DNHD1: variants seen among roughly 807,000 people sequenced by gnomAD.
DNHD1 encodes dynein heavy chain domain-containing protein 1.
Under a neutral mutation model 458.1 loss-of-function variants are expected in DNHD1, and 383 were observed. The observed-to-expected ratio is 0.84, with a 90% CI of 0.77 to 0.91. The LOEUF (loss-of-function observed/expected upper bound fraction) is 0.91, where lower values mean the gene tolerates loss of function less well. DNHD1 is among the 40% of genes least tolerant of loss of function. The pLI is 0.00. For synonymous variants in DNHD1, 2,203 were observed against 2,376.9 expected (o/e 0.93, Z 2.13); for missense variants, 5,336 against 5,866.1 (o/e 0.91, Z 2.95).
In DNHD1 at chr11:6,547,060, T is replaced by C. The variant is rs11825154; in HGVS notation, c.6121T>C (p.Phe2041Leu). Residue 2041 changes from phenylalanine to leucine, a missense_variant, in exon 21 of 43, where the codon TTC becomes CTC. Phe to Leu is a conservative substitution (Grantham distance 22). Around this residue, in one of 4 missense-constraint regions of DNHD1, gnomAD observed 3,932 missense variants for 4,365.6 expected, o/e 0.90. Transcript: ENST00000254579. ...LYPSGLSPQE[F>L]LGWLEGSCWH... ...CCCCAGTGGCCTCAGCCCCCAGGAG[T>C]TCCTGGGATGGCTAGAGGGCTCCTG... The C allele has an allele frequency of 0.023, 35,706 of 1,551,420 alleles. 1,050 individuals carry two copies. The highest frequency in any genetic ancestry group is 0.14 in the African/African-American group (10,269 of 73,078).
At position 6,563,706 on chromosome 11, in the gene DNHD1, T is replaced by C. The variant is rs1853630385; in HGVS notation, c.9866T>C (p.Phe3289Ser). 3 of 1,545,496 alleles carry C rather than the reference T, an allele frequency of 1.9e-6. No individual in the cohort carries two copies. The highest frequency in any genetic ancestry group is 1.4e-5 in the African/African-American group (1 of 72,916). ...TEDFYQELVF[F>S]PKEKITDSEL... ...ACATCCTTCCAGGAGCTGGTGTTCT[T>C]CCCCAAGGAGAAGATAACAGACTCA... The change falls in exon 31 of 43, where the codon TTC (phenylalanine) becomes TCC (serine). Residue 3289 changes from phenylalanine to serine, a missense_variant. By Grantham distance (155) the Phe-to-Ser change is radical (BLOSUM62 -2). Transcript: ENST00000254579.
intron 35 of DNHD1, 56 bp downstream of exon 35, chr11:6,566,821 G>T: frequency 1.9e-6 from 3 of 1,599,274 alleles, no homozygotes; most frequent in East Asian, 4.5e-5. Flanking sequence ...CCTGGGTAAG[G>T]GGGTGGAGAT....
chr11:6,557,789 G>C lies in DNHD1; in HGVS notation c.8494G>C (p.Glu2832Gln). ...GGAGCTGATACTGGGGCCTAACTCT[G>C]AGACCCCCAACTTGTACCTGGAACG... ...SQELILGPNSETPNLYLERQW... is the reference protein window; with the variant it reads ...SQELILGPNSQTPNLYLERQW... The change falls in exon 25 of 43, where the codon GAG (glutamate) becomes CAG (glutamine). Residue 2832 changes from glutamate to glutamine, a missense_variant. Coordinates refer to ENST00000254579, the MANE Select transcript of DNHD1 (RefSeq NM_144666.3). 1 of 1,551,520 alleles carries C rather than the reference G, an allele frequency of 6.4e-7. No individual in the cohort carries two copies. The highest frequency in any genetic ancestry group is 8.7e-7 in the Non-Finnish European group (1 of 1,146,982).
rs764819568 is a variant in DNHD1 at position 6,566,908 on chromosome 11, CGAT to C, written c.11401_11403del (p.Met3801del). 1 of 1,612,406 alleles carries C rather than the reference CGAT, an allele frequency of 6.2e-7. No homozygotes were observed. The highest frequency in any genetic ancestry group is 8.5e-7 in the Non-Finnish European group (1 of 1,179,098). On this transcript the variant is annotated inframe_deletion, in exon 36 of 43. Coordinates refer to ENST00000254579, the MANE Select transcript of DNHD1 (RefSeq NM_144666.3). ...GAGTGTATGCAGGAGCGGCTGCTGACGATGCTGCTGTTCCAGAATCCGAAGCGT... is the reference window on the plus strand; with the variant it reads ...GAGTGTATGCAGGAGCGGCTGCTGACGCTGCTGTTCCAGAATCCGAAGCGT...
At position 6,517,867 on chromosome 11, in the gene DNHD1, G is replaced by A. The variant is rs2134391066; in HGVS notation, c.1393-1733G>A. Among the ~76,000 whole-genome samples the A allele has an allele frequency of 2.0e-5, 3 of 151,796 alleles. No individual in the cohort carries two copies. The Middle Eastern group carries it at 0.01, about 523-fold the overall frequency. On this transcript the variant is annotated intron_variant, in intron 7 of 42. Transcript: ENST00000254579. ...AACAATATGTCTCACAAATTTCTTT[G>A]CCCATCAAATCTTTTGTAGAATACT...
chr11:6,552,316 G>T (rs1589889300), intron 24 of DNHD1, among the ~76,000 whole-genome samples: 1 of 152,064 alleles, frequency 6.6e-6, no homozygotes, highest in Non-Finnish European at 1.5e-5. Flanking sequence ...TTGAGGTCAG[G>T]AGTTTGAGAC....
rs1853510829 is a variant in DNHD1, at chr11:6,558,211, A to C, written c.8916A>C (p.Glu2972Asp). The change falls in exon 25 of 43, where the codon GAA (glutamate) becomes GAC (aspartate). Residue 2972 changes from glutamate to aspartate, a missense_variant. Glu to Asp is a conservative substitution (Grantham distance 45). Around this residue, in one of 4 missense-constraint regions of DNHD1, gnomAD observed 3,932 missense variants for 4,365.6 expected, o/e 0.90. Coordinates refer to ENST00000254579, the MANE Select transcript of DNHD1 (RefSeq NM_144666.3). ...GCAGTTTCCCTGGCCAGTACACAGA[A>C]GCAGATTTGGACCGCATTGGAGAAC... is the stretch of plus-strand genomic sequence containing the variant. Reference protein sequence around the residue: ...TSGSFPGQYTEADLDRIGEHL... With the variant: ...TSGSFPGQYTDADLDRIGEHL... 3 of 1,551,726 alleles carry C rather than the reference A, an allele frequency of 1.9e-6. No homozygotes were observed. Among genetic ancestry groups the C allele is most frequent in the Non-Finnish European group, 8.7e-7 (1 of 1,146,998 alleles).
chr11:6,515,947 G>A (rs541455139), intron 7 of DNHD1, among the ~76,000 whole-genome samples: 1 of 151,856 alleles, frequency 6.6e-6, no homozygotes, highest in African/African-American at 2.4e-5. Flanking sequence ...CACCGTACCT[G>A]GCTAATGTTT....
chr11:6,558,020 C>A lies in DNHD1; in HGVS notation c.8725C>A (p.Gln2909Lys). The change falls in exon 25 of 43, where the codon CAG becomes AAG. Residue 2909 changes from glutamine (Q) to lysine (K), a missense_variant. By Grantham distance (53) the Gln-to-Lys change is moderately conservative (BLOSUM62 1). This residue lies in a region of DNHD1 where 3,932 missense variants were observed against 4,365.6 expected (regional missense o/e 0.90). Coordinates refer to ENST00000254579, the MANE Select transcript of DNHD1 (RefSeq NM_144666.3). ...CATCACTCTGGCTTCTAGCATTTGT[C>A]AGGCCCATTTCTTTCATCTACCATC... ...TAITLASSIC[Q>K]AHFFHLPSGS... 1 of 1,551,748 alleles carries A rather than the reference C, an allele frequency of 6.4e-7. No homozygotes were observed.
intron 4 of DNHD1, 102 bp downstream of exon 4, chr11:6,503,028 C>A: frequency 1.5e-6 from 2 of 1,305,168 alleles, no homozygotes; most frequent in Non-Finnish European, 1.0e-6. Flanking sequence ...TCTCCCTGTC[C>A]TTTCTCCACA....
Position 6,558,645 on chromosome 11 carries a change from G to A in DNHD1, c.9163G>A (p.Val3055Met). 1 of 1,551,394 alleles carries A rather than the reference G, an allele frequency of 6.4e-7. No homozygotes were observed. The highest frequency in any genetic ancestry group is 2.4e-5 in the East Asian group (1 of 40,936). Reference sequence around the variant, plus strand: ...CTGGGACCAAGCTGCCCTGGCCAAGGTGGCCCAGCATCACCTGGAGGGTGC... The same window carrying A: ...CTGGGACCAAGCTGCCCTGGCCAAGATGGCCCAGCATCACCTGGAGGGTGC... The part of the protein sequence containing the change: ...EPWDQAALAK[V>M]AQHHLEGAQS... The change falls in exon 26 of 43, where the codon GTG (valine) becomes ATG (methionine). Residue 3055 changes from valine (V) to methionine (M), a missense_variant. Coordinates refer to ENST00000254579, the MANE Select transcript of DNHD1 (RefSeq NM_144666.3).
At chr11:6,501,178 TGAG>T (rs146443462) in intron 3 of DNHD1, among the ~76,000 whole-genome samples, 2 of 152,154 alleles carry the variant, frequency 1.3e-5, no homozygotes, top group African/African-American at 2.4e-5. Context: ...TGTGGTGCAT[TGAG>T]GAGTGAATGG....
intron 24 of DNHD1, among the ~76,000 whole-genome samples, chr11:6,552,327 C>T (rs1413593535): frequency 2.0e-5 from 3 of 151,934 alleles, no homozygotes; most frequent in Non-Finnish European, 2.9e-5. Flanking sequence ...AGTTTGAGAC[C>T]AGCCTGGCCA....
In DNHD1 at chr11:6,564,804, G is replaced by A; in HGVS notation, c.10756G>A (p.Gly3586Arg). Residue 3586 changes from glycine (G) to arginine (R), a missense_variant and splice_region_variant, in exon 32 of 43, where the codon GGG becomes AGG. Around this residue, in one of 4 missense-constraint regions of DNHD1, gnomAD observed 695 missense variants for 804.2 expected, o/e 0.86. Coordinates refer to ENST00000254579, the MANE Select transcript of DNHD1 (RefSeq NM_144666.3). ...SFAPALTEGR[G>R]KGLMRNQKRE... is the part of the protein sequence containing the mutation. ...TGCGCCAGCCCTCACTGAGGGTAGA[G>A]GTAAGCAGGCATAATAAATGCAATG... 2.0e-6 allele frequency: 3 copies of A among 1,510,248 alleles called. No individual in the cohort carries two copies. The highest frequency in any genetic ancestry group is 2.7e-6 in the Non-Finnish European group (3 of 1,122,368). 93.6% of individuals were successfully genotyped at this position (1,510,248 alleles called of 1,614,324 possible).
chr11:6,507,339 A>G (rs189730418), intron 4 of DNHD1, among the ~76,000 whole-genome samples: 91 of 152,362 alleles, frequency 6.0e-4, no homozygotes, highest in Admixed American at 5.3e-3. Context: ...AAGGATATTC[A>G]GCAAAATGCA....
At chr11:6,551,769 C>A (rs575858498) in intron 24 of DNHD1, among the ~76,000 whole-genome samples, 1 of 152,038 alleles carries the variant, frequency 6.6e-6, no homozygotes. Flanking sequence ...GGTGAAACCC[C>A]GTCTCTACTA....
chr11:6,563,628 A>G, intron 30 of DNHD1, 64 bp downstream of exon 30: 1 of 1,546,164 alleles, frequency 6.5e-7, no homozygotes, highest in Non-Finnish European at 8.7e-7. Flanking sequence ...TGGCAAGGCT[A>G]AACTGTTGGG....
Position 6,512,313 on chromosome 11 carries a change from C to T in DNHD1, c.1392+884C>T, listed in dbSNP as rs567939340. Among the ~76,000 whole-genome samples the T allele has an allele frequency of 6.7e-4, 97 of 144,236 alleles. No homozygotes were observed. The South Asian group carries it at 0.013, about 20-fold the overall frequency. 94.6% of individuals were successfully genotyped at this position (144,236 alleles called of 152,430 possible). On this transcript the variant is annotated intron_variant, in intron 7 of 42. Transcript: ENST00000254579. ...TCGGCTCACTGCAAGCTCTGCCTTC[C>T]GGGTTCACGCCATTCTCCTGCCTCA...
In DNHD1 at chr11:6,537,707, C is replaced by T. The variant is rs139368127; in HGVS notation, c.2999-676C>T. 2.0e-3 allele frequency among the ~76,000 whole-genome samples: 301 copies of T among 152,154 alleles called. 1 individual carries two copies. Among genetic ancestry groups the T allele is most frequent in the African/African-American group, 6.9e-3 (285 of 41,526 alleles). On this transcript the variant is annotated intron_variant, in intron 14 of 42. Coordinates refer to ENST00000254579, the MANE Select transcript of DNHD1 (RefSeq NM_144666.3). ...CAGCACTTTGGGAGGCCGAGGCGGG[C>T]GGATCACGAGGTCAGGAGTTCGAGA...
Sources: gnomAD v4.1 joint callset for allele counts (sites outside exome capture counted in the v4.1 genomes callset) on GRCh38, gnomAD v4.1.1 for gene constraint, gnomAD v4.1.1 regional missense constraint, MANE v1.5 for transcripts, NCBI Gene and HGNC (gene_info 2026-07-23, HGNC 2026-07-21) for gene names.